AHDC1: variants seen among roughly 807,000 people sequenced by gnomAD.
The protein encoded by AHDC1 is transcription factor Gibbin.
A neutral mutation model predicts 87.9 loss-of-function variants in AHDC1; 7 were observed. The ratio of observed to expected loss-of-function variants is 0.08; its 90% confidence interval spans 0.05 to 0.15. The LOEUF (loss-of-function observed/expected upper bound fraction) is 0.15. Ranked by LOEUF, AHDC1 falls within the 10% of genes least tolerant of loss-of-function variation. AHDC1 has a pLI of 1.00. For missense variants in AHDC1, 1,841 were observed against 2,253.2 expected, an observed-to-expected ratio of 0.82 and a Z score of 3.70; for synonymous variants, 1,051 against 1,006.8, an observed-to-expected ratio of 1.04 and a Z score of -0.83.
rs1394316486 is a variant in AHDC1 at position 27,547,540 on chromosome 1, C to T, written c.4576G>A (p.Gly1526Ser). The change falls in exon 8 of 9, where the codon GGC becomes AGC. Residue 1526 changes from glycine to serine, a missense_variant. Gly to Ser is a moderately conservative substitution (Grantham distance 56). Transcript: ENST00000673934. This position sits in a 1 kb window ranked among gnomAD's most constrained non-coding sequence, Gnocchi z 4.9. ...GCTGCAGCAGGGCCACGGGGTGGGCCAGGGGGCCGGGCCATTTCCAGTGGC... is the reference window on the plus strand; with the variant it reads ...GCTGCAGCAGGGCCACGGGGTGGGCTAGGGGGCCGGGCCATTTCCAGTGGC... ...KEPLEMARPP[G>S]PPRGPAAAAA... is the part of the protein sequence containing the mutation. The T allele has an allele frequency of 3.1e-6, 5 of 1,611,322 alleles. No homozygotes were observed. Among genetic ancestry groups the T allele is most frequent in the Non-Finnish European group, 3.4e-6 (4 of 1,179,086 alleles).
chr1:27,543,775 T>G (rs1190816713), intron 8 of AHDC1, among the ~76,000 whole-genome samples: 2 of 152,000 alleles, frequency 1.3e-5, no homozygotes, highest in Non-Finnish European at 2.9e-5. Context: ...AAACCCCATC[T>G]CTACTAAAAA....
At chr1:27,594,597 C>G (rs1482966846) in intron 3 of AHDC1, among the ~76,000 whole-genome samples, 1 of 152,146 alleles carries the variant, frequency 6.6e-6, no homozygotes, top group African/African-American at 2.4e-5. Flanking sequence ...CCTCACTGTC[C>G]AGGAATGAAA....
intron 8 of AHDC1, among the ~76,000 whole-genome samples, chr1:27,544,885 C>T (rs1296970995): frequency 6.6e-6 from 1 of 152,156 alleles, no homozygotes; most frequent in African/African-American, 2.4e-5. Context: ...TCAGTGGATC[C>T]CCACGTGTCT....
intron 3 of AHDC1, among the ~76,000 whole-genome samples, chr1:27,582,358 G>A (rs926085906): frequency 6.6e-6 from 1 of 152,162 alleles, no homozygotes; most frequent in African/African-American, 2.4e-5. Flanking sequence ...TTCTCACAAG[G>A]AATAACTGCC....
At chr1:27,538,037 C>CCT (rs1406051999) in intron 8 of AHDC1, among the ~76,000 whole-genome samples, 1 of 152,324 alleles carries the variant, frequency 6.6e-6, no homozygotes, top group African/African-American at 2.4e-5. Flanking sequence ...TAAGGTCTAA[C>CCT]CTCTACTCTC....
rs747339496 is a variant in AHDC1 at position 27,549,202 on chromosome 1, C to G, written c.2914G>C (p.Gly972Arg). 2 of 1,597,688 alleles carry G rather than the reference C, an allele frequency of 1.3e-6. No individual in the cohort carries two copies. The highest frequency in any genetic ancestry group is 1.7e-6 in the Non-Finnish European group (2 of 1,171,654). The change falls in exon 8 of 9, where the codon GGC becomes CGC. Residue 972 changes from glycine to arginine, a missense_variant. By Grantham distance (125) the Gly-to-Arg change is moderately radical. This residue lies in a region of AHDC1 where 378 missense variants were observed against 399.0 expected (regional missense o/e 0.95). Coordinates refer to ENST00000673934, the MANE Select transcript of AHDC1 (RefSeq NM_001371928.1). ...ACGCTTTGTCCGGCCCCATAGCCGC[C>G]GTACTGGGGCAGGTAGGTGTTGGCA... is the stretch of plus-strand genomic sequence containing the variant. ...PPANTYLPQY[G>R]GYGAGQSVFA...
At chr1:27,596,963 A>G (rs2089392605) in intron 3 of AHDC1, among the ~76,000 whole-genome samples, 1 of 152,034 alleles carries the variant, frequency 6.6e-6, no homozygotes, top group Admixed American at 6.5e-5. Flanking sequence ...CATCCCTTCT[A>G]CCTGCACATG....
rs1018046345 is a variant in AHDC1, at chr1:27,602,838, G to C, written c.-629+559C>G. Among the ~76,000 whole-genome samples, 21 of 151,758 alleles carry C rather than the reference G, an allele frequency of 1.4e-4. No individual in the cohort carries two copies. In the East Asian group the frequency reaches 3.7e-3, roughly 27 times the overall value. ...CCCCACACCCCCTCCGGGTCATTAG[G>C]TCCCCGCCCCTCAACTCCCCGAGAG... On this transcript the variant is annotated intron_variant, in intron 3 of 8. Transcript: ENST00000673934.
Position 27,547,571 on chromosome 1 carries a change from G to A in AHDC1, c.4545C>T (p.Asp1515=), listed in dbSNP as rs1411195927. ...GCCGGGCCATTTCCAGTGGCTCCTT[G>A]TCGGCCTTGGGCGTGGCTGGTGGGC... ...LASPPATPKA[D]KEPLEMARPP... is the part of the protein sequence containing the mutation. Residue 1515 remains aspartate (D), a synonymous_variant, in exon 8 of 9, where the codon GAC becomes GAT. Transcript: ENST00000673934. The surrounding 1 kb of genome is among the most constrained non-coding windows in gnomAD (Gnocchi z 4.9). The A allele has an allele frequency of 6.2e-7, 1 of 1,610,020 alleles. No individual in the cohort carries two copies. Among genetic ancestry groups the A allele is most frequent in the South Asian group, 1.1e-5 (1 of 90,756 alleles).
chr1:27,599,544 A>T (rs1230880853), intron 3 of AHDC1, among the ~76,000 whole-genome samples: 1 of 152,178 alleles, frequency 6.6e-6, no homozygotes, highest in African/African-American at 2.4e-5. Context: ...CCCAGGTCCC[A>T]GCCTGGTCTT....
Position 27,558,551 on chromosome 1 carries a change from G to A in AHDC1, c.-450-21C>T, listed in dbSNP as rs1432209264. ...CCTTTCTGGATAATGGGGAGTTTGA[G>A]TAAATGTTGGGTTAATATGTTTTGA... On this transcript the variant is annotated intron_variant, in intron 4 of 8. Transcript: ENST00000673934. This position sits in a 1 kb window ranked among gnomAD's most constrained non-coding sequence, Gnocchi z 5.6. The A allele has an allele frequency of 2.5e-6, 1 of 393,604 alleles. No homozygotes were observed. Among genetic ancestry groups the A allele is most frequent in the Non-Finnish European group, 4.5e-6 (1 of 223,400 alleles). 24.4% of individuals were successfully genotyped at this position (393,604 alleles called of 1,614,324 possible).
intron 3 of AHDC1, among the ~76,000 whole-genome samples, chr1:27,588,824 T>A (rs1571331918): frequency 6.6e-6 from 1 of 151,506 alleles, no homozygotes; most frequent in Admixed American, 6.6e-5. Context: ...TATGTATGGG[T>A]GTGTGTGAGG....
At chr1:27,589,240 T>C (rs916533655) in intron 3 of AHDC1, among the ~76,000 whole-genome samples, 3 of 152,184 alleles carry the variant, frequency 2.0e-5, no homozygotes, top group Non-Finnish European at 4.4e-5. Context: ...GATGTGCGTG[T>C]GCCTCTACAT....
At chr1:27,570,810 A>C (rs2020532278) in intron 3 of AHDC1, among the ~76,000 whole-genome samples, 1 of 152,120 alleles carries the variant, frequency 6.6e-6, no homozygotes, top group African/African-American at 2.4e-5. Context: ...AATACTGCCC[A>C]GCAGCCCCTT....
chr1:27,580,021 G>A (rs1382691115), intron 3 of AHDC1, among the ~76,000 whole-genome samples: 1 of 152,094 alleles, frequency 6.6e-6, no homozygotes, highest in Non-Finnish European at 1.5e-5. Context: ...CTCTGATCTC[G>A]GCAGATGGGC....
At chr1:27,585,602 T>C (rs944244111) in intron 3 of AHDC1, among the ~76,000 whole-genome samples, 1 of 152,158 alleles carries the variant, frequency 6.6e-6, no homozygotes, top group Non-Finnish European at 1.5e-5. Context: ...TCCAAACAGA[T>C]AACTGAAGAC....
intron 3 of AHDC1, among the ~76,000 whole-genome samples, chr1:27,576,158 A>G (rs1390465852): frequency 6.6e-6 from 1 of 152,086 alleles, no homozygotes; most frequent in Non-Finnish European, 1.5e-5. Context: ...CTAACTGGAT[A>G]GCGCCACCGT....
rs754747978 is a variant in AHDC1, at chr1:27,547,965, G to A, written c.4151C>T (p.Ala1384Val). The change falls in exon 8 of 9, where the codon GCC (alanine) becomes GTC (valine). Residue 1384 changes from alanine (A) to valine (V), a missense_variant. Around this residue, in one of 13 missense-constraint regions of AHDC1, gnomAD observed 505 missense variants for 626.2 expected, o/e 0.81. Coordinates refer to ENST00000673934, the MANE Select transcript of AHDC1 (RefSeq NM_001371928.1). This position sits in a 1 kb window ranked among gnomAD's most constrained non-coding sequence, Gnocchi z 4.9. ...GGCGTCAAACACCGTGGGTGGGTGGGCCAGCGGTGGGAAATGCTTGCCATC... is the reference window on the plus strand; with the variant it reads ...GGCGTCAAACACCGTGGGTGGGTGGACCAGCGGTGGGAAATGCTTGCCATC... Reference protein sequence around the residue: ...ELDGKHFPPLAHPPTVFDAGL... With the variant: ...ELDGKHFPPLVHPPTVFDAGL... 1.2e-6 allele frequency: 2 copies of A among 1,600,236 alleles called. No homozygotes were observed. The highest frequency in any genetic ancestry group is 3.4e-5 in the Admixed American group (2 of 59,640).
chr1:27,592,570 G>A lies in AHDC1; in HGVS notation c.-629+10827C>T, dbSNP rs563953833. Among the ~76,000 whole-genome samples the A allele has an allele frequency of 1.4e-4, 15 of 103,708 alleles. No individual in the cohort carries two copies. The East Asian group carries it at 2.9e-3, about 20-fold the overall frequency. 68.0% of individuals were successfully genotyped at this position (103,708 alleles called of 152,430 possible). A position where few individuals can be genotyped will look rare whatever the true frequency, so the allele number is the denominator to read the frequency against. ...GCAACCACTTTCCCAAACATCCCCC[G>A]CCCTCCCCCCCCCAGGCCCTGCTCT... On this transcript the variant is annotated intron_variant, in intron 3 of 8. Transcript: ENST00000673934.
Sources: gnomAD v4.1 joint callset for allele counts (sites outside exome capture counted in the v4.1 genomes callset) on GRCh38, gnomAD v4.1.1 for gene constraint, gnomAD v4.1.1 regional missense constraint, Gnocchi (gnomAD v3.1) non-coding constraint, MANE v1.5 for transcripts, NCBI Gene and HGNC (gene_info 2026-07-23, HGNC 2026-07-21) for gene names.